Variants in MYL4 observed in about 807,000 individuals in gnomAD.
MYL4 encodes the protein myosin light chain 4.
A neutral mutation model predicts 21.6 loss-of-function variants in MYL4; 16 were observed. That is an observed-to-expected ratio of 0.74 (90% CI 0.50 to 1.12). The LOEUF (loss-of-function observed/expected upper bound fraction) is 1.12. Among genes scored for constraint, MYL4 ranks in the 50% most tolerant of loss-of-function variants. MYL4 has a pLI of 0.00. For missense variants in MYL4, 249 were observed against 252.9 expected (o/e 0.98, Z 0.11); for synonymous variants, 82 against 95.7 (o/e 0.86, Z 0.83).
chr17:47,197,092 G>GTTTTTTTTTTTTTTTTTTTTTTTTTTT (rs71365051), upstream of MYL4, among the ~76,000 whole-genome samples: 1 of 113,352 alleles, frequency 8.8e-6, no homozygotes, highest in Non-Finnish European at 1.7e-5. Flanking sequence ...TCCTTAAAGG[G>GTTTTTTTTTTTTTTTTTTTTTTTTTTT]TTTTTTTTTT....
At chr17:47,193,838 C>G in the MYL4 span, among the ~76,000 whole-genome samples, 3 of 152,086 alleles carry the variant, frequency 2.0e-5, no homozygotes, top group Admixed American at 1.3e-4. Context: ...CCGCTGCAAC[C>G]TCCACCTCCC....
At chr17:47,190,134 T>A in the MYL4 span, among the ~76,000 whole-genome samples, 5 of 152,158 alleles carry the variant, frequency 3.3e-5, no homozygotes, top group Non-Finnish European at 1.5e-5. Flanking sequence ...CAATAGGCCA[T>A]TAGAAATTTT....
chr17:47,199,737 C>CTTT (rs33975035), upstream of MYL4, among the ~76,000 whole-genome samples: 546 of 101,258 alleles, frequency 5.4e-3, 19 homozygotes, highest in African/African-American at 0.011. Flanking sequence ...GTAGTAAAGT[C>CTTT]TTTTTTTTTT....
chr17:47,205,939 C>G (rs2064726905), upstream of MYL4, among the ~76,000 whole-genome samples: 1 of 152,182 alleles, frequency 6.6e-6, no homozygotes, highest in Non-Finnish European at 1.5e-5. Context: ...ATGTGGACCT[C>G]TCTCTGGAAG....
chr17:47,194,657 C>T, the MYL4 span, among the ~76,000 whole-genome samples: 1 of 152,054 alleles, frequency 6.6e-6, no homozygotes, highest in African/African-American at 2.4e-5. Flanking sequence ...TCCCTGTCTT[C>T]CCCCACCCCC....
At chr17:47,205,671 G>A (rs2064725875), upstream of MYL4, among the ~76,000 whole-genome samples, 2 of 152,178 alleles carry the variant, frequency 1.3e-5, no homozygotes, top group South Asian at 4.1e-4. Context: ...CTGATTTGAG[G>A]AGCGTCTCCT....
At chr17:47,198,270 C>CT (rs1471432769), upstream of MYL4, among the ~76,000 whole-genome samples, 1 of 152,124 alleles carries the variant, frequency 6.6e-6, no homozygotes, top group Admixed American at 6.5e-5. Context: ...ATTCCTTGAC[C>CT]TGAAGGCATT....
intron 1 of MYL4, among the ~76,000 whole-genome samples, chr17:47,210,552 G>C (rs146235963): frequency 6.6e-6 from 1 of 152,098 alleles, no homozygotes; most frequent in Non-Finnish European, 1.5e-5. Flanking sequence ...AGGGCTGGGG[G>C]TGGTGAGGGA....
intron 3 of MYL4, among the ~76,000 whole-genome samples, chr17:47,220,514 G>A (rs1482281555): frequency 6.6e-6 from 1 of 152,206 alleles, no homozygotes; most frequent in African/African-American, 2.4e-5. Context: ...AAATTGTTTG[G>A]TATAAATTAG....
chr17:47,220,199 T>A, intron 3 of MYL4, 146 bp downstream of exon 3: 1 of 1,000,494 alleles, frequency 1.0e-6, no homozygotes, highest in Non-Finnish European at 1.4e-6. Context: ...CAGCTTACCC[T>A]AGTCCCATTT....
upstream of MYL4, among the ~76,000 whole-genome samples, chr17:47,205,609 T>C (rs2064724514): frequency 6.6e-6 from 1 of 152,212 alleles, no homozygotes; most frequent in South Asian, 2.1e-4. Flanking sequence ...TCCAGTTGTT[T>C]CTGAAGTGCC....
chr17:47,224,786 C>G (rs890607241), downstream of MYL4, among the ~76,000 whole-genome samples: 12 of 152,118 alleles, frequency 7.9e-5, no homozygotes, highest in Non-Finnish European at 1.8e-4. Flanking sequence ...CTGGTTCAGT[C>G]CTGCCTGTTC....
chr17:47,193,281 T>C, the MYL4 span, among the ~76,000 whole-genome samples: 16,425 of 151,940 alleles, frequency 0.11, 966 homozygotes, highest in South Asian at 0.2. Context: ...TGTTTGTTTG[T>C]TTGTTTGAGA....
downstream of MYL4, among the ~76,000 whole-genome samples, chr17:47,226,900 G>A (rs530441665): frequency 6.6e-6 from 1 of 152,164 alleles, no homozygotes; most frequent in South Asian, 2.1e-4. Context: ...TGTGATCCAG[G>A]CTGGAGTGCA....
At chr17:47,218,052 A>AC (rs1264310460) in intron 2 of MYL4, among the ~76,000 whole-genome samples, 2 of 151,636 alleles carry the variant, frequency 1.3e-5, no homozygotes, top group Non-Finnish European at 1.5e-5. Context: ...AAAAAAAAAA[A>AC]AAAAACAAAA....
At chr17:47,215,264 GTGAGGACTGGAAAATCAACTAA>G (rs2064805529) in intron 2 of MYL4, among the ~76,000 whole-genome samples, 1 of 152,208 alleles carries the variant, frequency 6.6e-6, no homozygotes, top group Non-Finnish European at 1.5e-5. Context: ...AATGACACTA[GTGAGGACTGGAAAATCAACTAA>G]TGATTTAAAA....
At chr17:47,222,824 A>G (rs1333071956) in intron 5 of MYL4, among the ~76,000 whole-genome samples, 190 bp from the exon 6 acceptor site, 2 of 152,164 alleles carry the variant, frequency 1.3e-5, no homozygotes, top group Non-Finnish European at 1.5e-5. Context: ...GAGTGGGCAC[A>G]GAGCAGAGTC....
intron 2 of MYL4, 79 bp downstream of exon 2, chr17:47,213,905 G>A: frequency 6.8e-7 from 1 of 1,468,188 alleles, no homozygotes; most frequent in South Asian, 1.1e-5. Context: ...AAGAGGAGGA[G>A]TAGTTGTCCT....
chr17:47,206,904 G>A (rs1329096564), upstream of MYL4, among the ~76,000 whole-genome samples: 2 of 152,218 alleles, frequency 1.3e-5, no homozygotes, highest in African/African-American at 2.4e-5. Context: ...GCAGGTGGAG[G>A]TGGAGAAGGA....
Sources: allele counts gnomAD v4.1 joint callset (sites outside exome capture counted in the v4.1 genomes callset), GRCh38; gene constraint gnomAD v4.1.1; transcripts MANE v1.5; gene names NCBI Gene and HGNC (gene_info 2026-07-23, HGNC 2026-07-21).